Variants in ARMC9 observed in about 807,000 individuals in gnomAD.
The protein encoded by ARMC9 is lisH domain-containing protein ARMC9.
In ARMC9, 94 loss-of-function variants were observed where a neutral mutation model predicts 107.0. That is an observed-to-expected ratio of 0.88 (90% CI 0.74 to 1.04). The LOEUF is 1.04. Ranked by LOEUF, ARMC9 falls within the 50% of genes least tolerant of loss-of-function variation. ARMC9 has a pLI of 0.00. For synonymous variants in ARMC9, 380 were observed against 396.9 expected (o/e 0.96, Z 0.51); for missense variants, 942 against 1,030.1 (o/e 0.91, Z 1.17).
chr2:231,310,152 C>T (rs2042255197), intron 19 of ARMC9, among the ~76,000 whole-genome samples: 1 of 152,196 alleles, frequency 6.6e-6, no homozygotes, highest in Non-Finnish European at 1.5e-5. Context: ...CGGTGGCTCA[C>T]GCCTGTAATC....
At chr2:231,240,209 G>A (rs1244881007) in intron 9 of ARMC9, 168 bp downstream of exon 9, 1 of 671,934 alleles carries the variant, frequency 1.5e-6, no homozygotes, top group African/African-American at 1.8e-5. Context: ...TTTGAAGAGG[G>A]TACAGCTGAA....
chr2:231,271,637 A>C (rs752351286), intron 13 of ARMC9, among the ~76,000 whole-genome samples: 1 of 152,258 alleles, frequency 6.6e-6, no homozygotes, highest in African/African-American at 2.4e-5. Context: ...GAGTTTTCAA[A>C]TTATGAATAT....
chr2:231,324,348 G>A (rs1157492808), intron 19 of ARMC9, among the ~76,000 whole-genome samples: 25 of 150,698 alleles, frequency 1.7e-4, no homozygotes, highest in Admixed American at 9.9e-4. Flanking sequence ...GGCTGGTCTT[G>A]AACGCCTGAC....
Position 231,358,439 on chromosome 2 carries a change from C to T in ARMC9, c.2132-2315C>T, listed in dbSNP as rs113010130. 0.015 allele frequency among the ~76,000 whole-genome samples: 2,225 copies of T among 152,164 alleles called. 54 individuals are homozygous for T. The highest frequency in any genetic ancestry group is 0.051 in the African/African-American group (2,112 of 41,506). On this transcript the variant is annotated intron_variant, in intron 22 of 24. Transcript: ENST00000611582. This position sits in a 1 kb window ranked among gnomAD's most constrained non-coding sequence, Gnocchi z 4.5. ...CTGGTCTTGAACCCTTGGGCTCAAG[C>T]GATCCTCCCGCCTCGGCCTCCCAAA...
At chr2:231,317,736 G>A (rs1333480015) in intron 19 of ARMC9, among the ~76,000 whole-genome samples, 1 of 152,008 alleles carries the variant, frequency 6.6e-6, no homozygotes, top group Non-Finnish European at 1.5e-5. Context: ...CGTCCTTCCA[G>A]TTAACTGATT....
Position 231,216,788 on chromosome 2 carries a change from T to C in ARMC9, c.499T>C (p.Phe167Leu). 2 of 1,611,626 alleles carry C rather than the reference T, an allele frequency of 1.2e-6. No individual in the cohort carries two copies. Among genetic ancestry groups the C allele is most frequent in the Non-Finnish European group, 1.7e-6 (2 of 1,179,300 alleles). ...GGTGCACCCCTCATTTAAAGAACTC[T>C]TCCAGGTAAATGTCAGCTTTTAACT... ...PMVHPSFKELFQDSWTPELKL... is the reference protein window; with the variant it reads ...PMVHPSFKELLQDSWTPELKL... Residue 167 changes from phenylalanine (F) to leucine (L), a missense_variant, in exon 5 of 25, where the codon TTC becomes CTC. Transcript: ENST00000611582.
chr2:231,327,549 A>G (rs940573716), intron 19 of ARMC9, among the ~76,000 whole-genome samples: 22 of 152,090 alleles, frequency 1.4e-4, no homozygotes, highest in African/African-American at 5.3e-4. Context: ...TGTGGTGTGT[A>G]TGTACCACAT....
At chr2:231,256,004 C>T in intron 9 of ARMC9, 1 of 1,269,362 alleles carries the variant, frequency 7.9e-7, no homozygotes, top group South Asian at 1.5e-5. Flanking sequence ...TGCGCCACTG[C>T]TCTCCAGCCT....
At position 231,274,798 on chromosome 2, in the gene ARMC9, G is replaced by A. The variant is rs117933592; in HGVS notation, c.1334+1720G>A. ...AGCATGTGTGTTTTTAGTGGGGGAAGGGATAGGTATTTGTATCTACCATTT... is the reference window on the plus strand; with the variant it reads ...AGCATGTGTGTTTTTAGTGGGGGAAAGGATAGGTATTTGTATCTACCATTT... On this transcript the variant is annotated intron_variant, in intron 14 of 24. Transcript: ENST00000611582. Among the ~76,000 whole-genome samples the A allele has an allele frequency of 0.019, 2,950 of 152,242 alleles. 176 individuals carry two copies. In the East Asian group the frequency reaches 0.24, roughly 12 times the overall value.
chr2:231,340,274 T>C (rs1463449135), intron 20 of ARMC9, among the ~76,000 whole-genome samples: 2 of 152,164 alleles, frequency 1.3e-5, no homozygotes, highest in Non-Finnish European at 2.9e-5. Flanking sequence ...TTTTTTCTTC[T>C]GGTACCCGGA....
chr2:231,218,743 C>G (rs1248971588), intron 5 of ARMC9, among the ~76,000 whole-genome samples: 3 of 151,700 alleles, frequency 2.0e-5, no homozygotes, highest in Non-Finnish European at 2.9e-5. Context: ...TATACATAAT[C>G]AAGTCAGTCT....
chr2:231,369,892 C>T, intron 23 of ARMC9, 61 bp from the exon 24 acceptor site: 2 of 1,371,050 alleles, frequency 1.5e-6, no homozygotes, highest in Non-Finnish European at 1.9e-6. Context: ...CCACACCCGG[C>T]CCCTCCTGTG....
intron 21 of ARMC9, among the ~76,000 whole-genome samples, chr2:231,352,179 C>G (rs1384709971): frequency 1.3e-5 from 2 of 152,026 alleles, no homozygotes; most frequent in African/African-American, 4.8e-5. Flanking sequence ...GTTGCCTAGT[C>G]TTGAACTCCT....
intron 23 of ARMC9, among the ~76,000 whole-genome samples, chr2:231,368,086 A>G (rs2045885378): frequency 6.6e-6 from 1 of 152,204 alleles, no homozygotes; most frequent in Non-Finnish European, 1.5e-5. Context: ...TAATTTTAAA[A>G]CACCTCATTT....
At position 231,374,188 on chromosome 2, in the gene ARMC9, A is replaced by C. The variant is rs1375610162; in HGVS notation, c.*2653A>C. 6.6e-6 allele frequency: 1 copy of C among 152,196 alleles called. No homozygotes were observed. The highest frequency in any genetic ancestry group is 1.9e-4 in the East Asian group (1 of 5,198). 9.4% of individuals were successfully genotyped at this position (152,196 alleles called of 1,614,324 possible). Reference sequence around the variant, plus strand: ...ACAAGTAAACCTGTTTAAAGGCCAGATCTCCAGATGGAGATCCAAGCAGAT... The same window carrying C: ...ACAAGTAAACCTGTTTAAAGGCCAGCTCTCCAGATGGAGATCCAAGCAGAT... On this transcript the variant is annotated 3_prime_UTR_variant, in exon 25 of 25. Coordinates refer to ENST00000611582, the MANE Select transcript of ARMC9 (RefSeq NM_001352754.2).
chr2:231,301,883 G>T (rs1030944383), intron 19 of ARMC9, among the ~76,000 whole-genome samples: 10 of 151,990 alleles, frequency 6.6e-5, no homozygotes, highest in Admixed American at 4.6e-4. Flanking sequence ...GTAGTCTGAG[G>T]CGCAAGAATC....
intron 5 of ARMC9, among the ~76,000 whole-genome samples, chr2:231,222,305 G>A (rs1044001460): frequency 6.6e-6 from 1 of 152,112 alleles, no homozygotes; most frequent in Non-Finnish European, 1.5e-5. Context: ...ATCTAGACGA[G>A]GTTTGTGGAA....
intron 8 of ARMC9, among the ~76,000 whole-genome samples, chr2:231,239,722 C>G (rs1019640107): frequency 6.6e-6 from 1 of 152,224 alleles, no homozygotes; most frequent in African/African-American, 2.4e-5. Flanking sequence ...CTCATGAGCA[C>G]ACCTGCAGTG....
rs1559291678 is a variant in ARMC9, at chr2:231,211,156, AC to A, written c.177+2905del. Among the ~76,000 whole-genome samples the A allele has an allele frequency of 4.6e-3, 686 of 150,442 alleles. 7 individuals are homozygous for A. Among genetic ancestry groups the A allele is most frequent in the African/African-American group, 0.016 (653 of 40,352 alleles). On this transcript the variant is annotated intron_variant, in intron 3 of 24. Coordinates refer to ENST00000611582, the MANE Select transcript of ARMC9 (RefSeq NM_001352754.2). Reference sequence around the variant, plus strand: ...AACACATACACACACACACACACACACACCCCCACAGTTTATCTGTTCTTCT... The same window carrying A: ...AACACATACACACACACACACACACAACCCCCACAGTTTATCTGTTCTTCT...
Sources: allele counts gnomAD v4.1 joint callset (sites outside exome capture counted in the v4.1 genomes callset), GRCh38; gene constraint gnomAD v4.1.1; non-coding constraint Gnocchi (gnomAD v3.1); transcripts MANE v1.5; gene names NCBI Gene and HGNC (gene_info 2026-07-23, HGNC 2026-07-21).